Variants in MYH10 observed in about 807,000 individuals in gnomAD.
MYH10 encodes the protein myosin-10.
Under a neutral mutation model 257.8 loss-of-function variants are expected in MYH10, and 55 were observed. That is an observed-to-expected ratio of 0.21 (90% confidence interval 0.17 to 0.27). The LOEUF is 0.27. Among genes scored for constraint, MYH10 ranks in the 10% least tolerant of loss-of-function variants. The pLI, the probability that MYH10 is intolerant of heterozygous loss-of-function variation, is 1.00. For synonymous variants in MYH10, 854 were observed against 921.7 expected, an observed-to-expected ratio of 0.93 and a Z score of 1.33; for missense variants, 1,631 against 2,500.6, an observed-to-expected ratio of 0.65 and a Z score of 7.42.
At chr17:8,554,779 G>A (rs921671688) in intron 7 of MYH10, among the ~76,000 whole-genome samples, 23 of 152,024 alleles carry the variant, frequency 1.5e-4, no homozygotes, top group African/African-American at 5.6e-4. Context: ...GTGAAACCCC[G>A]TCTCTACTAA....
chr17:8,616,569 T>A (rs2085270811), intron 2 of MYH10, among the ~76,000 whole-genome samples: 1 of 151,266 alleles, frequency 6.6e-6, no homozygotes, highest in Non-Finnish European at 1.5e-5. Flanking sequence ...TACCCAAAAA[T>A]AAATAACAAA....
Position 8,512,687 on chromosome 17 carries a change from G to T in MYH10, c.2746-30C>A, listed in dbSNP as rs757031147. 5.1e-6 allele frequency: 8 copies of T among 1,583,954 alleles called. No individual in the cohort carries two copies. In the African/African-American group the frequency reaches 1.1e-4, roughly 21 times the overall value. On this transcript the variant is annotated intron_variant, in intron 23 of 42. Coordinates refer to ENST00000360416, the MANE Select transcript of MYH10 (RefSeq NM_001256012.3). ...AATCACAATAAAGTGTCTGTGATTT[G>T]CCCCTATTACATACGTACACAGTAT...
rs997105528 is a variant in MYH10, at chr17:8,494,008, A to G, written c.4057-123T>C. 72 of 1,037,852 alleles carry G rather than the reference A, an allele frequency of 6.9e-5. No individual in the cohort carries two copies. In the African/African-American group the frequency reaches 8.8e-4, roughly 13 times the overall value. The allele number at this position is 1,037,852 out of a possible 1,614,324, so 64.3% of individuals were successfully genotyped here. On this transcript the variant is annotated intron_variant, in intron 31 of 42. Transcript: ENST00000360416. Reference sequence around the variant, plus strand: ...TCAATGCATGAGAACGCCCAGTGACATTAACAAACACAGATGATTTAAAAA... The same window carrying G: ...TCAATGCATGAGAACGCCCAGTGACGTTAACAAACACAGATGATTTAAAAA...
intron 2 of MYH10, among the ~76,000 whole-genome samples, chr17:8,609,037 C>T (rs775077494): frequency 7.2e-5 from 11 of 152,076 alleles, no homozygotes; most frequent in Non-Finnish European, 1.3e-4. Context: ...GGCCTCGATC[C>T]CCTGACCTCG....
intron 31 of MYH10, 33 bp downstream of exon 31, chr17:8,495,101 AGTT>A (rs1315041053): frequency 8.1e-7 from 1 of 1,238,148 alleles, no homozygotes; most frequent in South Asian, 1.2e-5. Context: ...CAGAAATGTT[AGTT>A]ATTATAAAGA....
At chr17:8,500,138 G>A (rs923955235) in intron 29 of MYH10, among the ~76,000 whole-genome samples, 5 of 152,138 alleles carry the variant, frequency 3.3e-5, no homozygotes, top group South Asian at 2.1e-4. Flanking sequence ...TAAATGTTCC[G>A]TAAATGCTAA....
rs1915656427 is a variant in MYH10, at chr17:8,490,859, A to G, written c.4672-307T>C. Among the ~76,000 whole-genome samples the G allele has an allele frequency of 6.6e-6, 1 of 152,240 alleles. No homozygotes were observed. The highest frequency in any genetic ancestry group is 6.5e-5 in the Admixed American group (1 of 15,282). On this transcript the variant is annotated intron_variant, in intron 34 of 42. Coordinates refer to ENST00000360416, the MANE Select transcript of MYH10 (RefSeq NM_001256012.3). This position sits in a 1 kb window ranked among gnomAD's most constrained non-coding sequence, Gnocchi z 4.1. ...GAGCCAAAGAACAAAGGAAACAGCC[A>G]TGTCAGGGAACCTGTCTGTTGACTG...
In MYH10 at chr17:8,552,076, A is replaced by G; in HGVS notation, c.889T>C (p.Leu297=). ...DERTFHIFYQ[L]LSGAGEHLKS... is the part of the protein sequence containing the mutation. Reference sequence around the variant, plus strand: ...AGGTGTTCTCCTGCTCCAGATAACAACTGGTAAAAGATATGAAAAGTACGT... The same window carrying G: ...AGGTGTTCTCCTGCTCCAGATAACAGCTGGTAAAAGATATGAAAAGTACGT... The change falls in exon 9 of 43, where the codon TTG becomes CTG. Residue 297 remains leucine, a synonymous_variant. Coordinates refer to ENST00000360416, the MANE Select transcript of MYH10 (RefSeq NM_001256012.3). This position sits in a 1 kb window ranked among gnomAD's most constrained non-coding sequence, Gnocchi z 4.8. 6.4e-7 allele frequency: 1 copy of G among 1,558,404 alleles called. No homozygotes were observed. The highest frequency in any genetic ancestry group is 8.7e-7 in the Non-Finnish European group (1 of 1,147,384).
rs55865122 is a variant in MYH10, at chr17:8,502,480, TTGTG to T, written c.3600-1514_3600-1511del. 9.5e-3 allele frequency among the ~76,000 whole-genome samples: 1,424 copies of T among 150,254 alleles called. 24 individuals are homozygous for T. The highest frequency in any genetic ancestry group is 0.032 in the African/African-American group (1,316 of 40,948). On this transcript the variant is annotated intron_variant, in intron 28 of 42. Coordinates refer to ENST00000360416, the MANE Select transcript of MYH10 (RefSeq NM_001256012.3). ...AGCACGTTGTCTTTTGGGAAAATAG[TTGTG>T]TGTGTGTGTGTGTGTGTGTGTTCCT...
At chr17:8,510,014 C>A in intron 24 of MYH10, 65 bp from the exon 25 acceptor site, 3 of 1,482,580 alleles carry the variant, frequency 2.0e-6, no homozygotes, top group African/African-American at 1.4e-5. Context: ...TCATTGTGCA[C>A]AGGAATGCAT....
chr17:8,600,653 G>A (rs1278408304), intron 3 of MYH10, among the ~76,000 whole-genome samples: 3 of 152,194 alleles, frequency 2.0e-5, no homozygotes, highest in Non-Finnish European at 4.4e-5. Flanking sequence ...GAAACAACGT[G>A]CTGGGGCCCA....
chr17:8,484,392 G>T, intron 36 of MYH10, 126 bp from the exon 37 acceptor site: 1 of 823,350 alleles, frequency 1.2e-6, no homozygotes, highest in Non-Finnish European at 1.8e-6. Flanking sequence ...CTCAAGCATT[G>T]CTCCTGATTA....
chr17:8,593,136 T>C (rs765931999), intron 3 of MYH10, among the ~76,000 whole-genome samples: 4 of 151,016 alleles, frequency 2.6e-5, no homozygotes, highest in Non-Finnish European at 5.9e-5. Context: ...AAACTTAATA[T>C]CCACTGATGA....
rs10664342 is a variant in MYH10 at position 8,595,425 on chromosome 17, C to CTTTTT, written c.503-6322_503-6318dup. On this transcript the variant is annotated intron_variant, in intron 3 of 42. Coordinates refer to ENST00000360416, the MANE Select transcript of MYH10 (RefSeq NM_001256012.3). ...TGCTGTCTCCCCAGTAAGAACAGTT[C>CTTTTT]TTTTTTTTTTTTTTTTTTTTTTTTG... 5.9e-3 allele frequency among the ~76,000 whole-genome samples: 498 copies of CTTTTT among 84,126 alleles called. 61 individuals are homozygous for CTTTTT. The highest frequency in any genetic ancestry group is 0.015 in the African/African-American group (254 of 17,112). The allele number at this position is 84,126 out of a possible 152,430, so 55.2% of individuals were successfully genotyped here.
chr17:8,507,562 T>C (rs2081112288), intron 26 of MYH10, among the ~76,000 whole-genome samples: 1 of 152,288 alleles, frequency 6.6e-6, no homozygotes, highest in African/African-American at 2.4e-5. Context: ...TGAGGTACTT[T>C]GTGGGCACTT....
chr17:8,477,630 T>C lies in MYH10; in HGVS notation c.5707-582A>G, dbSNP rs1431985065. The stretch of plus-strand genomic sequence containing the variant: ...CACCCTCAACTGTGCTCCGTGTTGC[T>C]AGGCCCCAAGGGTGGGGGTGGGAAG... On this transcript the variant is annotated intron_variant, in intron 41 of 42. Coordinates refer to ENST00000360416, the MANE Select transcript of MYH10 (RefSeq NM_001256012.3). This position sits in a 1 kb window ranked among gnomAD's most constrained non-coding sequence, Gnocchi z 4.2. Among the ~76,000 whole-genome samples the C allele has an allele frequency of 2.0e-5, 3 of 152,124 alleles. No homozygotes were observed. The highest frequency in any genetic ancestry group is 7.2e-5 in the African/African-American group (3 of 41,430).
Position 8,589,065 on chromosome 17 carries a change from T to G in MYH10, c.530+16A>C, listed in dbSNP as rs1421902672. On this transcript the variant is annotated intron_variant, in intron 4 of 42. Transcript: ENST00000360416. ...AGAAAATCAAAAACAAATCTGAACATTCAACATTTACTTACGTGCAAAGAA... is the reference window on the plus strand; with the variant it reads ...AGAAAATCAAAAACAAATCTGAACAGTCAACATTTACTTACGTGCAAAGAA... The G allele has an allele frequency of 6.2e-7, 1 of 1,612,948 alleles. No homozygotes were observed. The highest frequency in any genetic ancestry group is 1.1e-5 in the South Asian group (1 of 90,898).
At chr17:8,483,955 G>A (rs1172055733) in intron 37 of MYH10, among the ~76,000 whole-genome samples, 183 bp downstream of exon 37, 1 of 152,152 alleles carries the variant, frequency 6.6e-6, no homozygotes, top group Non-Finnish European at 1.5e-5. Flanking sequence ...ATAACTTTCT[G>A]TTTCCAAACT....
chr17:8,485,045 T>C (rs1416412109), intron 36 of MYH10, among the ~76,000 whole-genome samples: 4 of 152,224 alleles, frequency 2.6e-5, no homozygotes, highest in Non-Finnish European at 4.4e-5. Flanking sequence ...TGATCTGATA[T>C]TGTATATAGA....
Sources: gnomAD v4.1 joint callset for allele counts (sites outside exome capture counted in the v4.1 genomes callset) on GRCh38, gnomAD v4.1.1 for gene constraint, Gnocchi (gnomAD v3.1) non-coding constraint, MANE v1.5 for transcripts, NCBI Gene and HGNC (gene_info 2026-07-23, HGNC 2026-07-21) for gene names.